PICALM: variants seen among roughly 807,000 people sequenced by gnomAD.
PICALM encodes phosphatidylinositol binding clathrin assembly protein.
PICALM carries 40 observed loss-of-function variants against 80.5 expected under a neutral mutation model. That is an observed-to-expected ratio of 0.50 (90% CI 0.39 to 0.65). The LOEUF (loss-of-function observed/expected upper bound fraction) is 0.65, where lower values mean the gene tolerates loss of function less well. PICALM is among the 30% of genes least tolerant of loss of function. PICALM has a pLI of 0.00. For missense variants in PICALM, 676 were observed against 778.9 expected, an observed-to-expected ratio of 0.87 and a Z score of 1.57; for synonymous variants, 288 against 260.3, an observed-to-expected ratio of 1.11 and a Z score of -1.02.
intron 1 of PICALM, among the ~76,000 whole-genome samples, chr11:86,062,717 A>C (rs1238630854): frequency 2.0e-5 from 3 of 152,222 alleles, no homozygotes; most frequent in Non-Finnish European, 4.4e-5. Flanking sequence ...ACAAAGGCTT[A>C]GGTTCATCAA....
At chr11:85,960,741 G>A in intron 19 of PICALM, 2 of 1,317,924 alleles carry the variant, frequency 1.5e-6, no homozygotes, top group Non-Finnish European at 2.0e-6. Flanking sequence ...GAAGCTCTGT[G>A]AGGACTGTGA....
At chr11:86,050,181 G>A (rs2096157603) in intron 1 of PICALM, among the ~76,000 whole-genome samples, 1 of 143,106 alleles carries the variant, frequency 7.0e-6, no homozygotes, top group Non-Finnish European at 1.5e-5. Flanking sequence ...CTCCAGCCTG[G>A]GCAACAGAGC....
intron 13 of PICALM, among the ~76,000 whole-genome samples, chr11:85,989,533 G>C (rs1396505818): frequency 6.6e-6 from 1 of 152,136 alleles, no homozygotes; most frequent in Non-Finnish European, 1.5e-5. Flanking sequence ...AGCAGAGTTA[G>C]CATCTTTTTC....
chr11:86,030,383 C>T (rs1438917362), intron 2 of PICALM, among the ~76,000 whole-genome samples: 3 of 152,176 alleles, frequency 2.0e-5, no homozygotes, highest in Non-Finnish European at 2.9e-5. Context: ...TAACACACAA[C>T]GTGATGGATG....
At chr11:86,027,017 T>C (rs777886010) in intron 2 of PICALM, among the ~76,000 whole-genome samples, 5 of 152,220 alleles carry the variant, frequency 3.3e-5, no homozygotes, top group Non-Finnish European at 7.3e-5. Flanking sequence ...ACAAGTATCA[T>C]AGTGTACTTA....
intron 1 of PICALM, among the ~76,000 whole-genome samples, chr11:86,054,518 C>A (rs1426947354): frequency 6.6e-6 from 1 of 152,124 alleles, no homozygotes; most frequent in African/African-American, 2.4e-5. Context: ...TTCAGTTTCC[C>A]ACAAACACAC....
chr11:85,980,523 A>C (rs1164488649), intron 17 of PICALM, among the ~76,000 whole-genome samples: 3 of 152,190 alleles, frequency 2.0e-5, no homozygotes, highest in Non-Finnish European at 2.9e-5. Context: ...TTAAGTACTT[A>C]ACTGCCACAA....
Position 85,979,747 on chromosome 11 carries a change from G to A in PICALM, c.1779+1382C>T, listed in dbSNP as rs144261762. On this transcript the variant is annotated intron_variant, in intron 17 of 19. Coordinates refer to ENST00000393346, the MANE Select transcript of PICALM (RefSeq NM_007166.4). The stretch of plus-strand genomic sequence containing the variant: ...GCAGTGCTCTGGAAGTGGCTATAAG[G>A]ACAACCGCAGCCTCTAACAGTAACA... 3.9e-3 allele frequency among the ~76,000 whole-genome samples: 596 copies of A among 152,246 alleles called. 3 individuals carry two copies. The highest frequency in any genetic ancestry group is 0.013 in the African/African-American group (551 of 41,546).
At chr11:85,962,954 G>C (rs1382045308) in intron 19 of PICALM, among the ~76,000 whole-genome samples, 1 of 152,132 alleles carries the variant, frequency 6.6e-6, no homozygotes, top group Non-Finnish European at 1.5e-5. Context: ...GTAAATAAGA[G>C]AAGGAAAGGA....
chr11:85,961,048 A>G (rs890308693), intron 19 of PICALM, among the ~76,000 whole-genome samples: 1 of 145,816 alleles, frequency 6.9e-6, no homozygotes, highest in Admixed American at 6.9e-5. Context: ...AGGTCGATAT[A>G]AGCTGACCCA....
chr11:85,964,709 AT>A (rs1261108931), intron 19 of PICALM, among the ~76,000 whole-genome samples: 3 of 152,114 alleles, frequency 2.0e-5, no homozygotes, highest in African/African-American at 7.2e-5. Context: ...AAGGGGTCTC[AT>A]TCCATTATCA....
At chr11:85,978,074 T>C in intron 17 of PICALM, 2 of 1,613,004 alleles carry the variant, frequency 1.2e-6, no homozygotes, top group East Asian at 2.2e-5. Context: ...ACTTACGTAT[T>C]GTGGAAAATG....
In PICALM at chr11:85,958,817, C is replaced by T. The variant is rs1388595268; in HGVS notation, c.*229G>A. ...AGGGTTAGTCACCAAAAAGACAGAT[C>T]TTAGTCTTAAATCATAGCAATTCTT... On this transcript the variant is annotated 3_prime_UTR_variant, in exon 20 of 20. Coordinates refer to ENST00000393346, the MANE Select transcript of PICALM (RefSeq NM_007166.4). The T allele has an allele frequency of 1.2e-5, 5 of 412,654 alleles. No individual in the cohort carries two copies. Among genetic ancestry groups the T allele is most frequent in the Non-Finnish European group, 8.7e-6 (2 of 229,064 alleles). 25.6% of individuals were successfully genotyped at this position (412,654 alleles called of 1,614,324 possible).
intron 1 of PICALM, among the ~76,000 whole-genome samples, chr11:86,062,214 C>A (rs1322837116): frequency 6.6e-6 from 1 of 152,122 alleles, no homozygotes; most frequent in Non-Finnish European, 1.5e-5. Context: ...ATAGAACATA[C>A]AAACAGCAAG....
chr11:85,962,083 T>C (rs890191204), intron 19 of PICALM, among the ~76,000 whole-genome samples: 1 of 152,124 alleles, frequency 6.6e-6, no homozygotes, highest in East Asian at 1.9e-4. Context: ...AATGGAACAA[T>C]GATGGAATCA....
chr11:85,987,906 A>G (rs1211810666), intron 13 of PICALM, among the ~76,000 whole-genome samples: 1 of 152,266 alleles, frequency 6.6e-6, no homozygotes, highest in Non-Finnish European at 1.5e-5. Flanking sequence ...TAGCCTTAAA[A>G]AGGTTAAATA....
At chr11:85,963,374 C>CA (rs1406116317) in intron 19 of PICALM, among the ~76,000 whole-genome samples, 2 of 151,914 alleles carry the variant, frequency 1.3e-5, no homozygotes, top group African/African-American at 4.8e-5. Flanking sequence ...TAAAACAAAA[C>CA]AAAAACAAAA....
intron 1 of PICALM, among the ~76,000 whole-genome samples, chr11:86,042,294 C>G (rs2095986234): frequency 6.6e-6 from 1 of 150,632 alleles, no homozygotes; most frequent in East Asian, 1.9e-4. Context: ...TAAGCACCAT[C>G]TCAAAGATTT....
intron 8 of PICALM, among the ~76,000 whole-genome samples, chr11:86,006,671 T>G (rs2095283679): frequency 6.6e-6 from 1 of 152,006 alleles, no homozygotes. Flanking sequence ...AACAAAAAAA[T>G]GTCCTGGAAT....
Sources: allele counts gnomAD v4.1 joint callset (sites outside exome capture counted in the v4.1 genomes callset), GRCh38; gene constraint gnomAD v4.1.1; transcripts MANE v1.5; gene names NCBI Gene and HGNC (gene_info 2026-07-23, HGNC 2026-07-21).